The following CCDC85C variants were observed in gnomAD, a reference collection of about 807,000 sequenced individuals.
The protein encoded by CCDC85C is coiled-coil domain-containing protein 85C.
Under a neutral mutation model 38.3 loss-of-function variants are expected in CCDC85C, and 18 were observed. That is an observed-to-expected ratio of 0.47 (90% confidence interval 0.33 to 0.70). CCDC85C has a LOEUF of 0.70. CCDC85C is among the 30% of genes least tolerant of loss of function. The pLI, the probability that CCDC85C is intolerant of heterozygous loss-of-function variation, is 0.03. For synonymous variants in CCDC85C, 264 were observed against 293.8 expected, an observed-to-expected ratio of 0.90 and a Z score of 1.04; for missense variants, 566 against 621.2, an observed-to-expected ratio of 0.91 and a Z score of 0.94.
At chr14:99,575,598 C>T (rs1213519465) in intron 1 of CCDC85C, among the ~76,000 whole-genome samples, 2 of 152,242 alleles carry the variant, frequency 1.3e-5, no homozygotes, top group African/African-American at 2.4e-5. Context: ...AGGGTGGCAG[C>T]CCTGTATGTC....
chr14:99,557,485 G>A (rs1266232537), intron 1 of CCDC85C, among the ~76,000 whole-genome samples: 1 of 152,218 alleles, frequency 6.6e-6, no homozygotes, highest in Non-Finnish European at 1.5e-5. Context: ...ATAGAAACAA[G>A]GGTCATCTAG....
In CCDC85C at chr14:99,603,159, G is replaced by C. The variant is rs1386961077; in HGVS notation, c.793+8C>G. On this transcript the variant is annotated splice_region_variant and intron_variant, in intron 1 of 5. Coordinates refer to ENST00000380243, the MANE Select transcript of CCDC85C (RefSeq NM_001144995.2). The surrounding 1 kb of genome is among the most constrained non-coding windows in gnomAD (Gnocchi z 7.5). ...AGACCCGCGCTGCCCGGCCCGTGTA[G>C]TCCTTACCGTGCAGGCCGTTGGGGA... 7.3e-7 allele frequency: 1 copy of C among 1,366,180 alleles called. No individual in the cohort carries two copies. Among genetic ancestry groups the C allele is most frequent in the Non-Finnish European group, 9.4e-7 (1 of 1,062,580 alleles). 84.6% of individuals were successfully genotyped at this position (1,366,180 alleles called of 1,614,324 possible).
In CCDC85C at chr14:99,558,192, C is replaced by T. The variant is rs1399984756; in HGVS notation, c.794-22104G>A. 1.3e-5 allele frequency among the ~76,000 whole-genome samples: 2 copies of T among 152,224 alleles called. No homozygotes were observed. The highest frequency in any genetic ancestry group is 4.8e-5 in the African/African-American group (2 of 41,464). ...AGAGAACTCAGCCGTGTGAAAGCCA[C>T]TGGCCTTCATCATCTGCCCAACAGC... On this transcript the variant is annotated intron_variant, in intron 1 of 5. Coordinates refer to ENST00000380243, the MANE Select transcript of CCDC85C (RefSeq NM_001144995.2). The surrounding 1 kb of genome is among the most constrained non-coding windows in gnomAD (Gnocchi z 4.2).
chr14:99,573,243 G>A (rs1006473650), intron 1 of CCDC85C, among the ~76,000 whole-genome samples: 1 of 152,188 alleles, frequency 6.6e-6, no homozygotes, highest in Non-Finnish European at 1.5e-5. Flanking sequence ...GGTGCTCCCT[G>A]CAGGGGATTG....
chr14:99,553,228 C>T (rs1400762809), intron 1 of CCDC85C, among the ~76,000 whole-genome samples: 2 of 152,200 alleles, frequency 1.3e-5, no homozygotes, highest in Non-Finnish European at 2.9e-5. Context: ...CCAGAACACC[C>T]AGGCCAGAGC....
At chr14:99,583,300 T>C (rs1365055937) in intron 1 of CCDC85C, among the ~76,000 whole-genome samples, 1 of 151,124 alleles carries the variant, frequency 6.6e-6, no homozygotes, top group East Asian at 1.9e-4. Context: ...AGGTCAGGAG[T>C]TTGTGACCAG....
intron 1 of CCDC85C, among the ~76,000 whole-genome samples, chr14:99,539,485 AAAG>A (rs1461780889): frequency 6.6e-6 from 1 of 151,864 alleles, no homozygotes; most frequent in Non-Finnish European, 1.5e-5. Context: ...AAAAAAAAAA[AAAG>A]AATTAATTAT....
chr14:99,580,501 A>G, intron 1 of CCDC85C, among the ~76,000 whole-genome samples: 2 of 145,724 alleles, frequency 1.4e-5, no homozygotes, highest in South Asian at 2.3e-4. Flanking sequence ...GGATGGGGGG[A>G]ACTGGAGGCG....
intron 1 of CCDC85C, among the ~76,000 whole-genome samples, chr14:99,582,354 TA>T (rs1474533991): frequency 4.6e-5 from 7 of 152,116 alleles, no homozygotes. Context: ...TGTGACAAGG[TA>T]TTCTCCACCT....
rs1004342785 is a variant in CCDC85C at position 99,501,158 on chromosome 14, A to G, written c.*14088T>C. On this transcript the variant is annotated 3_prime_UTR_variant, in exon 6 of 6. Coordinates refer to ENST00000380243, the MANE Select transcript of CCDC85C (RefSeq NM_001144995.2). ...AGCCTTGGAGCCAGGTTTTCCATAC[A>G]TGGTGGTTCAGCGTAGGTCATGAGG... 17 of 605,730 alleles carry G rather than the reference A, an allele frequency of 2.8e-5. No homozygotes were observed. Among genetic ancestry groups the G allele is most frequent in the Non-Finnish European group, 4.6e-5 (16 of 344,296 alleles). 37.5% of individuals were successfully genotyped at this position (605,730 alleles called of 1,614,324 possible).
rs1177826067 is a variant in CCDC85C at position 99,507,317 on chromosome 14, T to C, written c.*7929A>G. On this transcript the variant is annotated 3_prime_UTR_variant, in exon 6 of 6. Coordinates refer to ENST00000380243, the MANE Select transcript of CCDC85C (RefSeq NM_001144995.2). ...TTGGGCTGGGCACAATGGCTTGTGT[T>C]TTTGATCCCAGCACTTTGGGAGGCG... 3.2e-6 allele frequency: 2 copies of C among 632,480 alleles called. No homozygotes were observed. Among genetic ancestry groups the C allele is most frequent in the Non-Finnish European group, 5.7e-6 (2 of 350,664 alleles). 39.2% of individuals were successfully genotyped at this position (632,480 alleles called of 1,614,324 possible).
intron 2 of CCDC85C, among the ~76,000 whole-genome samples, chr14:99,530,129 C>T (rs1016818000): frequency 3.3e-5 from 5 of 152,220 alleles, no homozygotes; most frequent in East Asian, 3.9e-4. Flanking sequence ...ATCTGGCTCA[C>T]GGTGGACACT....
rs566277343 is a variant in CCDC85C at position 99,502,864 on chromosome 14, C to T, written c.*12382G>A. 11 of 1,613,254 alleles carry T rather than the reference C, an allele frequency of 6.8e-6. No homozygotes were observed. The highest frequency in any genetic ancestry group is 2.2e-5 in the East Asian group (1 of 44,850). ...AGCAGTCACAGCCGTCTCAAAGCTCCGAACCATCCCAGCCCCAGCAGAAGG... is the reference window on the plus strand; with the variant it reads ...AGCAGTCACAGCCGTCTCAAAGCTCTGAACCATCCCAGCCCCAGCAGAAGG... On this transcript the variant is annotated 3_prime_UTR_variant, in exon 6 of 6. Transcript: ENST00000380243.
At chr14:99,561,458 G>T (rs1306237252) in intron 1 of CCDC85C, among the ~76,000 whole-genome samples, 2 of 152,186 alleles carry the variant, frequency 1.3e-5, no homozygotes, top group African/African-American at 4.8e-5. Flanking sequence ...GCAGCAGAGC[G>T]CTCTGCTGGT....
intron 1 of CCDC85C, among the ~76,000 whole-genome samples, chr14:99,597,996 G>A (rs142511324): frequency 3.7e-4 from 56 of 152,332 alleles, no homozygotes; most frequent in African/African-American, 1.2e-3. Flanking sequence ...AAGCTGCCAC[G>A]GCCATAAAGC....
intron 1 of CCDC85C, among the ~76,000 whole-genome samples, chr14:99,557,463 C>T (rs575332954): frequency 1.3e-5 from 2 of 152,340 alleles, no homozygotes; most frequent in South Asian, 2.1e-4. Flanking sequence ...CCTGTCTGTG[C>T]CATTTCCCCA....
intron 1 of CCDC85C, among the ~76,000 whole-genome samples, chr14:99,552,734 T>C (rs944440913): frequency 2.6e-5 from 4 of 152,176 alleles, no homozygotes; most frequent in Admixed American, 2.6e-4. Flanking sequence ...CCAGGCTGCC[T>C]TTCACCCAGT....
At chr14:99,562,839 TCA>T (rs989448703) in intron 1 of CCDC85C, among the ~76,000 whole-genome samples, 2 of 151,886 alleles carry the variant, frequency 1.3e-5, no homozygotes, top group African/African-American at 4.8e-5. Context: ...AAGTGCATAT[TCA>T]CACACTCACC....
At chr14:99,594,653 GCT>G (rs939563541) in intron 1 of CCDC85C, among the ~76,000 whole-genome samples, 6 of 152,316 alleles carry the variant, frequency 3.9e-5, no homozygotes, top group African/African-American at 1.2e-4. Context: ...CTTCCTTGTG[GCT>G]CTGAGTCAAA....
Sources: allele counts gnomAD v4.1 joint callset (sites outside exome capture counted in the v4.1 genomes callset), GRCh38; gene constraint gnomAD v4.1.1; non-coding constraint Gnocchi (gnomAD v3.1); transcripts MANE v1.5; gene names NCBI Gene and HGNC (gene_info 2026-07-23, HGNC 2026-07-21).